Variants in MFSD11 observed in about 807,000 individuals in gnomAD.
MFSD11 encodes UNC93-like protein MFSD11.
A neutral mutation model predicts 53.5 loss-of-function variants in MFSD11; 36 were observed. The ratio of observed to expected loss-of-function variants is 0.67; its 90% CI spans 0.52 to 0.89. The LOEUF is 0.89. MFSD11 is among the 40% of genes least tolerant of loss of function. The pLI is 0.00. For synonymous variants in MFSD11, 186 were observed against 184.9 expected (o/e 1.01, Z -0.05); for missense variants, 530 against 543.9 (o/e 0.97, Z 0.25).
At chr17:76,748,638 G>C (rs1335513977) in intron 7 of MFSD11, among the ~76,000 whole-genome samples, 1 of 151,774 alleles carries the variant, frequency 6.6e-6, no homozygotes, top group Non-Finnish European at 1.5e-5. Context: ...GTGAGCTGTG[G>C]TCACGCCGCT....
At chr17:76,786,185 C>T (rs1318511081), downstream of MFSD11, among the ~76,000 whole-genome samples, 2 of 146,752 alleles carry the variant, frequency 1.4e-5, no homozygotes, top group Non-Finnish European at 3.0e-5. Context: ...TGCTCTGTCA[C>T]CCAGGCTGGA....
intron 7 of MFSD11, among the ~76,000 whole-genome samples, chr17:76,753,610 C>T (rs551601912): frequency 5.4e-4 from 81 of 151,090 alleles, no homozygotes; most frequent in African/African-American, 1.7e-3. Context: ...ATCACCTGAG[C>T]CTGCGAGGTG....
downstream of MFSD11, among the ~76,000 whole-genome samples, chr17:76,784,978 G>A (rs2082255694): frequency 6.6e-6 from 1 of 152,134 alleles, no homozygotes; most frequent in African/African-American, 2.4e-5. Context: ...TTCACTCTGG[G>A]CATATACACA....
downstream of MFSD11, chr17:76,780,941 A>G (rs2082150705): frequency 6.6e-6 from 1 of 152,186 alleles, no homozygotes; most frequent in Admixed American, 6.6e-5. Flanking sequence ...TTATCTCTTT[A>G]AGCACATTAT....
At chr17:76,738,757 C>G (rs943699642) in intron 1 of MFSD11, among the ~76,000 whole-genome samples, 181 bp from the exon 2 acceptor site, 3 of 152,204 alleles carry the variant, frequency 2.0e-5, no homozygotes, top group African/African-American at 4.8e-5. Flanking sequence ...TCCCCCCTCC[C>G]TGTCATTGGT....
At chr17:76,762,314 T>C (rs1648828366) in intron 8 of MFSD11, among the ~76,000 whole-genome samples, 1 of 152,208 alleles carries the variant, frequency 6.6e-6, no homozygotes, top group East Asian at 1.9e-4. Context: ...TTTTATGTAT[T>C]ATGAGTTTCA....
At chr17:76,769,456 T>C (rs1007005109) in intron 9 of MFSD11, 14 of 248,728 alleles carry the variant, frequency 5.6e-5, no homozygotes, top group African/African-American at 2.1e-4. Context: ...TCCACCCTCA[T>C]GGCCTAATTG....
chr17:76,778,326 C>A lies in MFSD11; in HGVS notation c.1324C>A (p.Arg442Ser), dbSNP rs907380122. The change falls in exon 13 of 13, where the codon CGC (arginine) becomes AGC (serine). Residue 442 changes from arginine to serine, a missense_variant. By Grantham distance (110) the Arg-to-Ser change is moderately radical (BLOSUM62 -1). Coordinates refer to ENST00000685175, the MANE Select transcript of MFSD11 (RefSeq NM_001242532.5). ...ATGGGAAGCTGCCGCCTTTGTAGCC[C>A]GCGGCTCTGACTACCGAAGTATCTG... ...VEWEAAAFVA[R>S]GSDYRSI 1.2e-6 allele frequency: 2 copies of A among 1,614,120 alleles called. No homozygotes were observed. The highest frequency in any genetic ancestry group is 2.7e-5 in the African/African-American group (2 of 75,024).
At position 76,738,415 on chromosome 17, in the gene MFSD11, G is replaced by A; in HGVS notation, c.63G>A (p.Met21Ile). 6.2e-7 allele frequency: 1 copy of A among 1,614,064 alleles called. No individual in the cohort carries two copies. Among genetic ancestry groups the A allele is most frequent in the Non-Finnish European group, 8.5e-7 (1 of 1,179,952 alleles). Residue 21 changes from methionine (M) to isoleucine (I), a missense_variant, in exon 1 of 13, where the codon ATG (methionine) becomes ATA (isoleucine). Met to Ile is a conservative substitution (Grantham distance 10). Coordinates refer to ENST00000685175, the MANE Select transcript of MFSD11 (RefSeq NM_001242532.5). Reference protein sequence around the residue: ...IIILGVAFMFMFTAFQTCGNV... With the variant: ...IIILGVAFMFIFTAFQTCGNV... ...TTTTAGGAGTTGCCTTTATGTTTAT[G>A]TTCACTGCCTTTCAAACTTGTGGAA...
downstream of MFSD11, among the ~76,000 whole-genome samples, chr17:76,780,819 A>G (rs2082147639): frequency 6.6e-6 from 1 of 152,162 alleles, no homozygotes; most frequent in African/African-American, 2.4e-5. Flanking sequence ...CAGCGGCTCC[A>G]GATTTTGAAG....
At chr17:76,753,245 T>C (rs2079223057) in intron 7 of MFSD11, among the ~76,000 whole-genome samples, 1 of 150,776 alleles carries the variant, frequency 6.6e-6, no homozygotes, top group South Asian at 2.1e-4. Flanking sequence ...GCCTTCATGA[T>C]ACCACATCCA....
At chr17:76,736,690 C>T, upstream of MFSD11, 1 of 1,282,584 alleles carries the variant, frequency 7.8e-7, no homozygotes. Context: ...GCGTGCACCC[C>T]CGCCCCGTCC....
Position 76,740,958 on chromosome 17 carries a change from A to G in MFSD11, c.154A>G (p.Met52Val), listed in dbSNP as rs1432888157. ...TCCGTTTGTGTATTATGTGTGCAGCATGGCTATTATCTATGGAGTGTTCTC... is the reference window on the plus strand; with the variant it reads ...TCCGTTTGTGTATTATGTGTGCAGCGTGGCTATTATCTATGGAGTGTTCTC... ...TDFHGSGYTS[M>V]AIIYGVFSAS... The change falls in exon 3 of 13, where the codon ATG (methionine) becomes GTG (valine). Residue 52 changes from methionine (M) to valine (V), a missense_variant and splice_region_variant. Transcript: ENST00000685175. 1 of 1,576,774 alleles carries G rather than the reference A, an allele frequency of 6.3e-7. No homozygotes were observed. The highest frequency in any genetic ancestry group is 8.7e-7 in the Non-Finnish European group (1 of 1,152,456).
At chr17:76,775,420 A>G (rs2081734994) in intron 11 of MFSD11, among the ~76,000 whole-genome samples, 1 of 152,172 alleles carries the variant, frequency 6.6e-6, no homozygotes, top group Non-Finnish European at 1.5e-5. Flanking sequence ...AGGAGCACGT[A>G]AGTATCTGAT....
intron 8 of MFSD11, among the ~76,000 whole-genome samples, chr17:76,755,814 T>TATA (rs1598612525): frequency 8.9e-4 from 7 of 7,824 alleles, no homozygotes; most frequent in South Asian, 0.012. Flanking sequence ...ATATATATAT[T>TATA]TTTTTTTTTT....
At chr17:76,771,391 T>C (rs535706565) in intron 10 of MFSD11, among the ~76,000 whole-genome samples, 5 of 152,242 alleles carry the variant, frequency 3.3e-5, no homozygotes, top group African/African-American at 4.8e-5. Context: ...TCAACAAAGA[T>C]TTGTTCAGCA....
rs375964195 is a variant in MFSD11 at position 76,774,989 on chromosome 17, A to G, written c.875-8A>G. 104 of 1,611,660 alleles carry G rather than the reference A, an allele frequency of 6.5e-5. No homozygotes were observed. In the African/African-American group the frequency reaches 1.3e-3, roughly 21 times the overall value. ...CATTAGTGACGTTTCTGCCATCTTG[A>G]CTTATAGGTGGAAGCCTCTTCGGCC... is the stretch of plus-strand genomic sequence containing the variant. On this transcript the variant is annotated splice_region_variant and splice_polypyrimidine_tract_variant and intron_variant, in intron 10 of 12. Coordinates refer to ENST00000685175, the MANE Select transcript of MFSD11 (RefSeq NM_001242532.5).
chr17:76,758,874 T>C (rs1349757679), intron 8 of MFSD11, among the ~76,000 whole-genome samples: 2 of 152,116 alleles, frequency 1.3e-5, no homozygotes, highest in Non-Finnish European at 2.9e-5. Context: ...AATACACATA[T>C]AACTTTTGAC....
At chr17:76,790,491 G>A in the MFSD11 span, among the ~76,000 whole-genome samples, 5 of 146,654 alleles carry the variant, frequency 3.4e-5, no homozygotes, top group Middle Eastern at 3.2e-3. Flanking sequence ...ACAGGTGCGC[G>A]CCACCATACC....
Sources: gnomAD v4.1 joint callset for allele counts (sites outside exome capture counted in the v4.1 genomes callset) on GRCh38, gnomAD v4.1.1 for gene constraint, MANE v1.5 for transcripts, NCBI Gene and HGNC (gene_info 2026-07-23, HGNC 2026-07-21) for gene names.